ANO5: variants seen among roughly 807,000 people sequenced by gnomAD.
ANO5 encodes anoctamin-5.
ANO5 carries 109 observed loss-of-function variants against 121.0 expected under a neutral mutation model. The ratio of observed to expected loss-of-function variants is 0.90; its 90% CI spans 0.77 to 1.06. The LOEUF (loss-of-function observed/expected upper bound fraction) is 1.06. Ranked by LOEUF, ANO5 falls within the 50% of genes least tolerant of loss-of-function variation. ANO5 has a pLI of 0.00. For synonymous variants in ANO5, 406 were observed against 359.9 expected (o/e 1.13, Z -1.45); for missense variants, 1,064 against 1,078.5 (o/e 0.99, Z 0.19).
In ANO5 at chr11:22,257,718, A is replaced by G. The variant is rs974151940; in HGVS notation, c.1371A>G (p.Pro457=). Residue 457 remains proline (P), a synonymous_variant, in exon 14 of 22, where the codon CCA becomes CCG. Transcript: ENST00000324559. ...EPYMPLYTRI[P]WYFLSGATVT... Reference sequence around the variant, plus strand: ...ACATGCCTCTATACACGCGTATTCCATGGTACTTTCTTTCAGGAGCCACAG... The same window carrying G: ...ACATGCCTCTATACACGCGTATTCCGTGGTACTTTCTTTCAGGAGCCACAG... 10 of 1,612,820 alleles carry G rather than the reference A, an allele frequency of 6.2e-6. No individual in the cohort carries two copies. The highest frequency in any genetic ancestry group is 2.2e-5 in the South Asian group (2 of 91,058).
At position 22,193,329 on chromosome 11, in the gene ANO5, A is replaced by AAAAG; in HGVS notation, c.-164_-163insAAAG. 1.3e-6 allele frequency: 2 copies of AAAAG among 1,485,240 alleles called. No individual in the cohort carries two copies. Among genetic ancestry groups the AAAAG allele is most frequent in the Non-Finnish European group, 8.9e-7 (1 of 1,118,140 alleles). The allele number at this position is 1,485,240 out of a possible 1,614,324, so 92.0% of individuals were successfully genotyped here. On this transcript the variant is annotated 5_prime_UTR_variant, in exon 1 of 22. Coordinates refer to ENST00000324559, the MANE Select transcript of ANO5 (RefSeq NM_213599.3). ...GAGACGGTGGAGTCCGAGGAGGAGG[A>AAAAG]GAAGGAGGCCTGCAGAAGGAAGAGC...
intron 1 of ANO5, 112 bp downstream of exon 1, chr11:22,193,644 G>A: frequency 2.2e-6 from 3 of 1,357,608 alleles, no homozygotes; most frequent in South Asian, 2.5e-5. Context: ...CTGAGTCCTA[G>A]GGAGGTTCGC....
intron 5 of ANO5, among the ~76,000 whole-genome samples, chr11:22,224,292 C>T (rs1050002258): frequency 6.6e-6 from 1 of 151,812 alleles, no homozygotes; most frequent in Non-Finnish European, 1.5e-5. Context: ...TTCATTTTTC[C>T]AGTCCACATT....
At chr11:22,241,285 G>A (rs1214802162) in intron 9 of ANO5, among the ~76,000 whole-genome samples, 1 of 8,654 alleles carries the variant, frequency 1.2e-4, no homozygotes, top group African/African-American at 1.6e-3. Context: ...TTATTTATCT[G>A]CTCCACCATT....
chr11:22,250,504 A>G (rs2133703016), intron 10 of ANO5, 133 bp downstream of exon 10: 2 of 1,307,140 alleles, frequency 1.5e-6, no homozygotes, highest in East Asian at 5.0e-5. Context: ...TTTTCCAAAA[A>G]CTACTCAAAC....
chr11:22,226,977 G>T (rs538309733), intron 6 of ANO5, among the ~76,000 whole-genome samples: 2 of 152,104 alleles, frequency 1.3e-5, no homozygotes, highest in South Asian at 2.1e-4. Flanking sequence ...GCCCAGAACC[G>T]CATAGGTTAT....
Position 22,274,801 on chromosome 11 carries a change from CTTAAG to C in ANO5, c.2414+58_2414+62del, listed in dbSNP as rs1356999752. Reference sequence around the variant, plus strand: ...TTAGTTTTATCCCTTAAGCGTATTTCTTAAGTTATCTATTACCTTTCTGTCTTACA... The same window carrying C: ...TTAGTTTTATCCCTTAAGCGTATTTCTTATCTATTACCTTTCTGTCTTACA... On this transcript the variant is annotated intron_variant, in intron 20 of 21. Transcript: ENST00000324559. 13 of 1,573,454 alleles carry C rather than the reference CTTAAG, an allele frequency of 8.3e-6. No individual in the cohort carries two copies. The East Asian group carries it at 1.8e-4, about 22-fold the overall frequency.
intron 1 of ANO5, among the ~76,000 whole-genome samples, chr11:22,202,344 T>C (rs1356349446): frequency 6.6e-6 from 1 of 152,132 alleles, no homozygotes; most frequent in Non-Finnish European, 1.5e-5. Context: ...TAAATTTATG[T>C]ATATAATGGG....
chr11:22,253,575 C>T (rs1853896846), intron 12 of ANO5, among the ~76,000 whole-genome samples: 1 of 152,070 alleles, frequency 6.6e-6, no homozygotes, highest in Non-Finnish European at 1.5e-5. Flanking sequence ...GTACCAAGTT[C>T]ATGAAACTGT....
In ANO5 at chr11:22,252,548, T is replaced by A. The variant is rs567639299; in HGVS notation, c.1180+1537T>A. Among the ~76,000 whole-genome samples, 3 of 152,328 alleles carry A rather than the reference T, an allele frequency of 2.0e-5. No homozygotes were observed. The East Asian group carries it at 5.8e-4, about 29-fold the overall frequency. On this transcript the variant is annotated intron_variant, in intron 12 of 21. Transcript: ENST00000324559. The stretch of plus-strand genomic sequence containing the variant: ...TCCTTGATGTTTGAAGTATTTAAAT[T>A]TTTTTATGATTCACATGTGCTTTTG...
intron 17 of ANO5, among the ~76,000 whole-genome samples, chr11:22,266,440 T>G (rs1854368742): frequency 1.3e-5 from 2 of 152,318 alleles, no homozygotes; most frequent in South Asian, 4.1e-4. Context: ...CTACAGTACT[T>G]CATATTGTCT....
intron 8 of ANO5, among the ~76,000 whole-genome samples, chr11:22,236,855 A>G (rs1853239152): frequency 6.6e-6 from 1 of 152,204 alleles, no homozygotes; most frequent in Non-Finnish European, 1.5e-5. Flanking sequence ...ACTGATATTC[A>G]GAAGAACGTT....
chr11:22,230,023 A>T (rs149142913), intron 7 of ANO5, among the ~76,000 whole-genome samples: 60 of 152,136 alleles, frequency 3.9e-4, no homozygotes, highest in African/African-American at 1.4e-3. Flanking sequence ...ATATATAGTA[A>T]ATAATATATA....
chr11:22,260,662 G>A (rs1334050056), intron 15 of ANO5, among the ~76,000 whole-genome samples: 2 of 152,062 alleles, frequency 1.3e-5, no homozygotes, highest in African/African-American at 4.8e-5. Context: ...CACATTACAG[G>A]TTTTGTAGGA....
rs886042907 is a variant in ANO5 at position 22,274,570 on chromosome 11, C to A, written c.2237C>A (p.Ala746Asp). The change falls in exon 20 of 22, where the codon GCC (alanine) becomes GAC (aspartate). Residue 746 changes from alanine (A) to aspartate (D), a missense_variant and splice_region_variant. Coordinates refer to ENST00000324559, the MANE Select transcript of ANO5 (RefSeq NM_213599.3). ...GMAVLSVATN[A>D]FIVAFTSDII... ...CCTCTTTTTTTTTTTATTCTTCAGG[C>A]CTTTATTGTTGCATTTACGTCAGAC... 5.7e-6 allele frequency: 9 copies of A among 1,591,924 alleles called. No individual in the cohort carries two copies. The highest frequency in any genetic ancestry group is 7.7e-6 in the Non-Finnish European group (9 of 1,167,566).
chr11:22,197,918 T>A (rs1018986338), intron 1 of ANO5, among the ~76,000 whole-genome samples: 1 of 152,158 alleles, frequency 6.6e-6, no homozygotes, highest in African/African-American at 2.4e-5. Flanking sequence ...TGGCTTCAAA[T>A]CCTGCCTCTT....
At position 22,282,923 on chromosome 11, in the gene ANO5, C is replaced by A. The variant is rs573711219; in HGVS notation, c.*3158C>A. ...AATGTTATGAAGAAAAATAGCATTG[C>A]AAAAAGTACCATTGGCCAGCCTTAC... On this transcript the variant is annotated 3_prime_UTR_variant, in exon 22 of 22. Transcript: ENST00000324559. 1.3e-5 allele frequency: 2 copies of A among 152,114 alleles called. No individual in the cohort carries two copies. Among genetic ancestry groups the A allele is most frequent in the South Asian group, 4.1e-4 (2 of 4,828 alleles). The allele number at this position is 152,114 out of a possible 1,614,324, so 9.4% of individuals were successfully genotyped here.
In ANO5 at chr11:22,279,842, C is replaced by A; in HGVS notation, c.*77C>A. 2 of 1,231,002 alleles carry A rather than the reference C, an allele frequency of 1.6e-6. No individual in the cohort carries two copies. Among genetic ancestry groups the A allele is most frequent in the Non-Finnish European group, 2.3e-6 (2 of 869,612 alleles). 76.3% of individuals were successfully genotyped at this position (1,231,002 alleles called of 1,614,324 possible). A position where few individuals can be genotyped will look rare whatever the true frequency, so the allele number is the denominator to read the frequency against. On this transcript the variant is annotated 3_prime_UTR_variant, in exon 22 of 22. Transcript: ENST00000324559. ...TGGTTTTAGGGCCAGACGCCAGAAG[C>A]CATGTGTCAATTTTACCCTTTCTTT...
intron 1 of ANO5, among the ~76,000 whole-genome samples, chr11:22,200,446 A>G (rs987982167): frequency 6.6e-6 from 1 of 152,204 alleles, no homozygotes; most frequent in Non-Finnish European, 1.5e-5. Context: ...TCAGCGCTTC[A>G]TGCATTCTTC....
Sources: allele counts gnomAD v4.1 joint callset (sites outside exome capture counted in the v4.1 genomes callset), GRCh38; gene constraint gnomAD v4.1.1; transcripts MANE v1.5; gene names NCBI Gene and HGNC (gene_info 2026-07-23, HGNC 2026-07-21).